The following VWC2 variants were observed in gnomAD, a reference collection of about 807,000 sequenced individuals.
The protein encoded by VWC2 is von Willebrand factor C domain containing 2.
VWC2 carries 14 observed loss-of-function variants against 29.8 expected under a neutral mutation model. The observed-to-expected ratio is 0.47, with a 90% confidence interval of 0.31 to 0.74. VWC2 has a LOEUF of 0.74. VWC2 is among the 30% of genes least tolerant of loss of function. VWC2 has a pLI of 0.05. For missense variants in VWC2, 457 were observed against 459.8 expected, an observed-to-expected ratio of 0.99 and a Z score of 0.05; for synonymous variants, 213 against 199.0, an observed-to-expected ratio of 1.07 and a Z score of -0.59.
chr7:49,824,173 G>T (rs1467555029), intron 3 of VWC2, among the ~76,000 whole-genome samples: 1 of 151,938 alleles, frequency 6.6e-6, no homozygotes, highest in Non-Finnish European at 1.5e-5. Context: ...TGAAATATTT[G>T]CCTAATCCAA....
At chr7:49,887,269 T>C (rs1189396634) in intron 3 of VWC2, among the ~76,000 whole-genome samples, 1 of 152,218 alleles carries the variant, frequency 6.6e-6, no homozygotes, top group East Asian at 1.9e-4. Flanking sequence ...GTGTGATTCT[T>C]AGCAATTTCT....
intron 3 of VWC2, among the ~76,000 whole-genome samples, chr7:49,879,772 T>C (rs748597542): frequency 5.3e-5 from 8 of 152,146 alleles, no homozygotes; most frequent in Non-Finnish European, 1.0e-4. Context: ...TTTGCTATCT[T>C]GGCTAATTTT....
chr7:49,840,066 G>C (rs1789759879), intron 3 of VWC2, among the ~76,000 whole-genome samples: 1 of 152,214 alleles, frequency 6.6e-6, no homozygotes, highest in East Asian at 1.9e-4. Flanking sequence ...GGGCTGACCA[G>C]GCTTCCGGAG....
chr7:49,801,734 G>A (rs1788742567), intron 2 of VWC2, among the ~76,000 whole-genome samples: 1 of 152,254 alleles, frequency 6.6e-6, no homozygotes, highest in Non-Finnish European at 1.5e-5. Context: ...AGTGGAAGAG[G>A]ACCTTGTGCT....
Position 49,917,081 on chromosome 7 carries a change from T to G in VWC2, c.*4896T>G, listed in dbSNP as rs1253389229. ...TTTTCTTAGACTTTCATTTGTGATATTGATCATTTCTGTGTGTTTTAATCT... is the reference window on the plus strand; with the variant it reads ...TTTTCTTAGACTTTCATTTGTGATAGTGATCATTTCTGTGTGTTTTAATCT... On this transcript the variant is annotated 3_prime_UTR_variant, in exon 4 of 4. Transcript: ENST00000340652. 1 of 152,240 alleles carries G rather than the reference T, an allele frequency of 6.6e-6. No homozygotes were observed. Among genetic ancestry groups the G allele is most frequent in the Non-Finnish European group, 1.5e-5 (1 of 68,036 alleles). The allele number at this position is 152,240 out of a possible 1,614,324, so 9.4% of individuals were successfully genotyped here. A position where few individuals can be genotyped will look rare whatever the true frequency, so the allele number is the denominator to read the frequency against.
At chr7:49,856,006 T>C (rs989675727) in intron 3 of VWC2, among the ~76,000 whole-genome samples, 3 of 152,156 alleles carry the variant, frequency 2.0e-5, no homozygotes, top group African/African-American at 4.8e-5. Flanking sequence ...TGCAACCTGA[T>C]TGAGAAATGC....
At chr7:49,908,311 AC>A (rs1444211734) in intron 3 of VWC2, among the ~76,000 whole-genome samples, 5 of 152,188 alleles carry the variant, frequency 3.3e-5, no homozygotes, top group Non-Finnish European at 7.3e-5. Context: ...TTTCAGGTTA[AC>A]TTTGGAATGC....
rs1369307133 is a variant in VWC2, at chr7:49,917,536, G to C, written c.*5351G>C. The C allele has an allele frequency of 6.6e-6, 1 of 152,100 alleles. No homozygotes were observed. The highest frequency in any genetic ancestry group is 1.9e-4 in the East Asian group (1 of 5,190). The allele number at this position is 152,100 out of a possible 1,614,324, so 9.4% of individuals were successfully genotyped here. A position where few individuals can be genotyped will look rare whatever the true frequency, so the allele number is the denominator to read the frequency against. ...AAACCTCTGGCTGACCTATTATATAGGCACAGAATTATCAAAAGCAATCAA... is the reference window on the plus strand; with the variant it reads ...AAACCTCTGGCTGACCTATTATATACGCACAGAATTATCAAAAGCAATCAA... On this transcript the variant is annotated 3_prime_UTR_variant, in exon 4 of 4. Transcript: ENST00000340652.
intron 3 of VWC2, among the ~76,000 whole-genome samples, chr7:49,842,113 C>T (rs1311057736): frequency 2.0e-5 from 3 of 152,140 alleles, no homozygotes; most frequent in African/African-American, 7.2e-5. Flanking sequence ...GGTGATCCAC[C>T]CTCCTCAACC....
intron 2 of VWC2, among the ~76,000 whole-genome samples, chr7:49,787,124 C>T (rs1300914022): frequency 3.3e-5 from 5 of 152,180 alleles, no homozygotes; most frequent in African/African-American, 9.7e-5. Context: ...ACTACTCAGC[C>T]ATGGGCAATT....
chr7:49,900,610 G>C (rs1331739504), intron 3 of VWC2, among the ~76,000 whole-genome samples: 3 of 151,594 alleles, frequency 2.0e-5, no homozygotes, highest in African/African-American at 7.3e-5. Flanking sequence ...CACACAAAAT[G>C]AAATAGATAC....
intron 3 of VWC2, among the ~76,000 whole-genome samples, chr7:49,880,788 G>C (rs1791629983): frequency 6.6e-6 from 1 of 152,020 alleles, no homozygotes; most frequent in Non-Finnish European, 1.5e-5. Context: ...ATAGGCATTT[G>C]TGGCATTGGT....
In VWC2 at chr7:49,917,690, T is replaced by C. The variant is rs1190421686; in HGVS notation, c.*5505T>C. ...AGAAATATTTCTCAATTTTATTTGG[T>C]ATCTAATTATATTAAGACCAACATA... On this transcript the variant is annotated 3_prime_UTR_variant, in exon 4 of 4. Transcript: ENST00000340652. 6.6e-6 allele frequency: 1 copy of C among 152,178 alleles called. No individual in the cohort carries two copies. Among genetic ancestry groups the C allele is most frequent in the Non-Finnish European group, 1.5e-5 (1 of 68,010 alleles). 9.4% of individuals were successfully genotyped at this position (152,178 alleles called of 1,614,324 possible).
chr7:49,830,653 T>G (rs1583656670), intron 3 of VWC2, among the ~76,000 whole-genome samples: 1 of 152,308 alleles, frequency 6.6e-6, no homozygotes, highest in East Asian at 1.9e-4. Flanking sequence ...TATCTCCTAA[T>G]GCTATCCCTC....
intron 3 of VWC2, among the ~76,000 whole-genome samples, chr7:49,823,923 G>C (rs918637529): frequency 2.6e-5 from 4 of 151,436 alleles, no homozygotes; most frequent in Admixed American, 2.6e-4. Context: ...CAAATCTTTG[G>C]CTCATTCTTT....
chr7:49,785,287 C>T (rs1170708610), intron 2 of VWC2, among the ~76,000 whole-genome samples: 2 of 152,022 alleles, frequency 1.3e-5, no homozygotes, highest in Admixed American at 1.3e-4. Context: ...AGAGATGTTT[C>T]GATACATGGA....
intron 3 of VWC2, among the ~76,000 whole-genome samples, chr7:49,830,901 C>T (rs1478473551): frequency 6.6e-6 from 1 of 152,120 alleles, no homozygotes; most frequent in Admixed American, 6.5e-5. Flanking sequence ...GCCACATTTT[C>T]TTAATCCAGT....
chr7:49,862,075 G>A (rs991012860), intron 3 of VWC2, among the ~76,000 whole-genome samples: 22 of 152,244 alleles, frequency 1.4e-4, no homozygotes, highest in Middle Eastern at 3.4e-3. Context: ...GGGAAGTACT[G>A]CCATCCTGAC....
intron 3 of VWC2, among the ~76,000 whole-genome samples, chr7:49,888,293 C>G (rs540148960): frequency 5.9e-5 from 9 of 152,290 alleles, no homozygotes; most frequent in African/African-American, 1.9e-4. Context: ...TATTTGTTCA[C>G]AGTAACTTGG....
Sources: allele counts gnomAD v4.1 joint callset (sites outside exome capture counted in the v4.1 genomes callset), GRCh38; gene constraint gnomAD v4.1.1; transcripts MANE v1.5; gene names NCBI Gene and HGNC (gene_info 2026-07-23, HGNC 2026-07-21).